Variants in EPS15L1 observed in about 807,000 individuals in gnomAD.
The protein encoded by EPS15L1 is epidermal growth factor receptor pathway substrate 15 like 1, also known as epidermal growth factor receptor substrate 15-like 1.
EPS15L1 carries 43 observed loss-of-function variants against 117.1 expected under a neutral mutation model. The observed-to-expected ratio is 0.37, with a 90% CI of 0.29 to 0.47. EPS15L1 has a LOEUF of 0.47. Among genes scored for constraint, EPS15L1 ranks in the 20% least tolerant of loss-of-function variants. The pLI, the probability that EPS15L1 is intolerant of heterozygous loss-of-function variation, is 0.99. For missense variants in EPS15L1, 981 were observed against 1,164.0 expected (o/e 0.84, Z 2.29); for synonymous variants, 459 against 470.5 (o/e 0.98, Z 0.32).
intron 19 of EPS15L1, among the ~76,000 whole-genome samples, chr19:16,387,583 G>C (rs893488641): frequency 2.6e-5 from 4 of 152,154 alleles, no homozygotes; most frequent in Non-Finnish European, 5.9e-5. Flanking sequence ...CTGCAGCCTG[G>C]GCAACAAGAG....
intron 1 of EPS15L1, among the ~76,000 whole-genome samples, chr19:16,454,069 G>A (rs985089150): frequency 6.6e-6 from 1 of 152,268 alleles, no homozygotes; most frequent in East Asian, 1.9e-4. Context: ...TGGCTACAAG[G>A]TCTGCTCCTG....
intron 1 of EPS15L1, among the ~76,000 whole-genome samples, chr19:16,468,498 A>C (rs1378149528): frequency 1.3e-5 from 2 of 150,338 alleles, no homozygotes; most frequent in East Asian, 2.0e-4. Flanking sequence ...GGCGTTTGCC[A>C]CTATGCCTGG....
At chr19:16,466,031 C>A (rs559232092) in intron 1 of EPS15L1, among the ~76,000 whole-genome samples, 1 of 150,248 alleles carries the variant, frequency 6.7e-6, no homozygotes, top group East Asian at 2.0e-4. Context: ...CTCTGTCACC[C>A]AGGCTGGAGT....
chr19:16,453,565 T>C (rs2093166459), intron 1 of EPS15L1, among the ~76,000 whole-genome samples: 1 of 151,946 alleles, frequency 6.6e-6, no homozygotes, highest in Non-Finnish European at 1.5e-5. Context: ...TACAAAAAAT[T>C]AGCCCAGCGT....
intron 1 of EPS15L1, among the ~76,000 whole-genome samples, chr19:16,450,611 G>C (rs1380408688): frequency 6.6e-6 from 1 of 150,748 alleles, no homozygotes; most frequent in Non-Finnish European, 1.5e-5. Flanking sequence ...CTCCCAAGTA[G>C]CTGGGATTAC....
intron 1 of EPS15L1, among the ~76,000 whole-genome samples, chr19:16,454,854 G>A (rs185300142): frequency 5.9e-5 from 9 of 151,724 alleles, no homozygotes; most frequent in Admixed American, 5.9e-4. Flanking sequence ...TCTGGGCCAG[G>A]CATGGTGGCT....
At position 16,413,288 on chromosome 19, in the gene EPS15L1, G is replaced by A. The variant is rs572343289; in HGVS notation, c.1266+485C>T. 145 of 658,084 alleles carry A rather than the reference G, an allele frequency of 2.2e-4. No homozygotes were observed. The East Asian group carries it at 3.8e-3, about 17-fold the overall frequency. The allele number at this position is 658,084 out of a possible 1,614,324, so 40.8% of individuals were successfully genotyped here. A position where few individuals can be genotyped will look rare whatever the true frequency, so the allele number is the denominator to read the frequency against. ...CTGTGCTGGTGTAACTCATCCCCAC[G>A]CCCAGGGGCACTGGCATTGTCTCAG... On this transcript the variant is annotated intron_variant, in intron 13 of 23. Coordinates refer to ENST00000455140, the MANE Select transcript of EPS15L1 (RefSeq NM_001258374.3).
At chr19:16,428,582 A>AG (rs1568443703) in intron 8 of EPS15L1, 120 bp downstream of exon 8, 8 of 662,474 alleles carry the variant, frequency 1.2e-5, no homozygotes, top group Middle Eastern at 2.5e-4. Flanking sequence ...GGAAAGGAAA[A>AG]GAAAAGAAAA....
In EPS15L1 at chr19:16,355,990, T is replaced by G. The variant is rs2144608924; in HGVS notation, c.2587-139A>C. 5.5e-6 allele frequency: 6 copies of G among 1,092,006 alleles called. No individual in the cohort carries two copies. The East Asian group carries it at 1.0e-4, about 19-fold the overall frequency. The allele number at this position is 1,092,006 out of a possible 1,614,324, so 67.6% of individuals were successfully genotyped here. A position where few individuals can be genotyped will look rare whatever the true frequency, so the allele number is the denominator to read the frequency against. ...GGGTCCGATGTGCAGGGGATAAGCA[T>G]GTCTTGGCTGGGCCCAGTGGGCGTG... On this transcript the variant is annotated intron_variant, in intron 23 of 23. Coordinates refer to ENST00000455140, the MANE Select transcript of EPS15L1 (RefSeq NM_001258374.3).
At chr19:16,441,856 G>A in intron 3 of EPS15L1, 36 bp downstream of exon 3, 2 of 1,544,312 alleles carry the variant, frequency 1.3e-6, no homozygotes, top group Non-Finnish European at 1.8e-6. Flanking sequence ...TGTGAGGGCA[G>A]CCACAGAAGA....
At chr19:16,460,658 G>C (rs574179648) in intron 1 of EPS15L1, among the ~76,000 whole-genome samples, 1 of 152,152 alleles carries the variant, frequency 6.6e-6, no homozygotes, top group Non-Finnish European at 1.5e-5. Flanking sequence ...CAGAAGCCTC[G>C]ACCCACAGAG....
At position 16,383,144 on chromosome 19, in the gene EPS15L1, A is replaced by G. The variant is rs2092381089; in HGVS notation, c.2247+1985T>C. ...GGCAGCTGATGGAACGCTGGAATCAAAACAAGATAGTATTGGAGACCCATT... is the reference window on the plus strand; with the variant it reads ...GGCAGCTGATGGAACGCTGGAATCAGAACAAGATAGTATTGGAGACCCATT... On this transcript the variant is annotated intron_variant, in intron 21 of 23. Coordinates refer to ENST00000455140, the MANE Select transcript of EPS15L1 (RefSeq NM_001258374.3). This position sits in a 1 kb window ranked among gnomAD's most constrained non-coding sequence, Gnocchi z 5.2. The G allele has an allele frequency of 6.6e-6, 1 of 152,226 alleles. No individual in the cohort carries two copies. Among genetic ancestry groups the G allele is most frequent in the South Asian group, 2.1e-4 (1 of 4,832 alleles). 9.4% of individuals were successfully genotyped at this position (152,226 alleles called of 1,614,324 possible).
chr19:16,395,247 T>G, intron 17 of EPS15L1, 97 bp downstream of exon 17: 1 of 1,198,432 alleles, frequency 8.3e-7, no homozygotes. Flanking sequence ...CCATTTCAGA[T>G]TGTGGCATGT....
intron 16 of EPS15L1, chr19:16,400,998 T>C: frequency 1.0e-6 from 1 of 985,424 alleles, no homozygotes; most frequent in Non-Finnish European, 1.2e-6. Context: ...GGAGCCGGGT[T>C]GTGAGACGGA....
At position 16,441,891 on chromosome 19, in the gene EPS15L1, C is replaced by G; in HGVS notation, c.165+1G>C. On this transcript the variant is annotated splice_donor_variant, in intron 3 of 23. Coordinates refer to ENST00000455140, the MANE Select transcript of EPS15L1 (RefSeq NM_001258374.3). LOFTEE classifies it high-confidence loss of function. ...AGAAATCACTATTCATCTTCACATA[C>G]CTTCCCAAGGATAATGTCCGAGAGG... The G allele has an allele frequency of 6.2e-7, 1 of 1,611,082 alleles. No individual in the cohort carries two copies. The highest frequency in any genetic ancestry group is 8.5e-7 in the Non-Finnish European group (1 of 1,177,990).
intron 10 of EPS15L1, 115 bp from the exon 11 acceptor site, chr19:16,418,219 T>C: frequency 8.2e-7 from 1 of 1,217,324 alleles, no homozygotes; most frequent in South Asian, 1.5e-5. Flanking sequence ...CGGCAGGGCG[T>C]GGTGGCAAGC....
intron 19 of EPS15L1, among the ~76,000 whole-genome samples, chr19:16,391,833 C>T (rs529302929): frequency 9.5e-4 from 145 of 152,186 alleles, no homozygotes; most frequent in African/African-American, 3.3e-3. Flanking sequence ...TTACTCCTGC[C>T]GTGACGGGAG....
intron 6 of EPS15L1, chr19:16,435,408 G>A (rs1051828495): frequency 1.4e-4 from 22 of 152,266 alleles, no homozygotes; most frequent in African/African-American, 5.1e-4. Context: ...AAGGGGCCAT[G>A]AGTGAGGCAG....
chr19:16,406,960 C>T (rs1470888891), intron 13 of EPS15L1, among the ~76,000 whole-genome samples: 1 of 152,174 alleles, frequency 6.6e-6, no homozygotes. Flanking sequence ...AGAGCTGCCT[C>T]GATCTTTCCA....
Sources: gnomAD v4.1 joint callset for allele counts (sites outside exome capture counted in the v4.1 genomes callset) on GRCh38, gnomAD v4.1.1 for gene constraint, Gnocchi (gnomAD v3.1) non-coding constraint, MANE v1.5 for transcripts, NCBI Gene and HGNC (gene_info 2026-07-23, HGNC 2026-07-21) for gene names.